LTN1: variants seen among roughly 807,000 people sequenced by gnomAD.
The protein encoded by LTN1 is listerin E3 ubiquitin protein ligase 1.
Under a neutral mutation model 201.2 loss-of-function variants are expected in LTN1, and 88 were observed. The observed-to-expected ratio is 0.44, with a 90% CI of 0.37 to 0.52. LTN1 has a LOEUF of 0.52. Among genes scored for constraint, LTN1 ranks in the 20% least tolerant of loss-of-function variants. LTN1 has a pLI of 0.00. For missense variants in LTN1, 1,752 were observed against 2,038.7 expected, an observed-to-expected ratio of 0.86 and a Z score of 2.71; for synonymous variants, 645 against 713.5, an observed-to-expected ratio of 0.90 and a Z score of 1.53.
chr21:28,962,273 T>C (rs2084485335), intron 11 of LTN1, among the ~76,000 whole-genome samples: 1 of 152,248 alleles, frequency 6.6e-6, no homozygotes, highest in African/African-American at 2.4e-5. Flanking sequence ...CTGGGCTTTG[T>C]AAATGCTGCA....
intron 11 of LTN1, among the ~76,000 whole-genome samples, chr21:28,965,317 G>C (rs2084512380): frequency 6.6e-6 from 1 of 152,124 alleles, no homozygotes; most frequent in Non-Finnish European, 1.5e-5. Flanking sequence ...ATCCTCATTA[G>C]GAAAGAATAC....
chr21:28,980,868 C>A (rs1404748442), intron 6 of LTN1, among the ~76,000 whole-genome samples: 1 of 152,020 alleles, frequency 6.6e-6, no homozygotes, highest in Non-Finnish European at 1.5e-5. Flanking sequence ...CTTGCACACA[C>A]CAATTTTAAG....
At chr21:28,931,887 C>CCAGCTA (rs1325553924) in intron 28 of LTN1, among the ~76,000 whole-genome samples, 4 of 152,004 alleles carry the variant, frequency 2.6e-5, no homozygotes, top group African/African-American at 9.7e-5. Flanking sequence ...GCCTGTAATC[C>CCAGCTA]CAGCTACTCT....
rs142531321 is a variant in LTN1, at chr21:28,966,587, C to T, written c.1904G>A (p.Gly635Asp). ...SSSRVFKMLL[G>D]DEKQSIVQAK... is the part of the protein sequence containing the mutation. ...TTGGACAATACTCTGTTTTTCATCA[C>T]CAAGTAGCATTTTAAATACTCGGCT... is the stretch of plus-strand genomic sequence containing the variant. The change falls in exon 10 of 30, where the codon GGT becomes GAT. Residue 635 changes from glycine (G) to aspartate (D), a missense_variant. By Grantham distance (94) the Gly-to-Asp change is moderately conservative. This residue lies in a region of LTN1 where 1,211 missense variants were observed against 1,312.8 expected (regional missense o/e 0.92). Transcript: ENST00000361371. The T allele has an allele frequency of 6.2e-7, 1 of 1,613,932 alleles. No individual in the cohort carries two copies. The highest frequency in any genetic ancestry group is 2.2e-5 in the East Asian group (1 of 44,876).
chr21:28,938,157 G>A (rs2084270625), intron 25 of LTN1, among the ~76,000 whole-genome samples: 1 of 152,086 alleles, frequency 6.6e-6, no homozygotes, highest in Non-Finnish European at 1.5e-5. Context: ...TAAAACTATA[G>A]AGATATTACT....
At chr21:28,965,251 C>T (rs2084511970) in intron 11 of LTN1, among the ~76,000 whole-genome samples, 1 of 152,130 alleles carries the variant, frequency 6.6e-6, no homozygotes, top group African/African-American at 2.4e-5. Context: ...GTAAGAATTT[C>T]AGGTAGCTAG....
rs1408918019 is a variant in LTN1 at position 28,929,190 on chromosome 21, A to C, written c.*1258T>G. ...TTTCAATAGTCATTTTACCCAGTAG[A>C]TGGAAAGCAGTAATTTTATTTATCA... is the stretch of plus-strand genomic sequence containing the variant. On this transcript the variant is annotated 3_prime_UTR_variant, in exon 30 of 30. Coordinates refer to ENST00000361371, the MANE Select transcript of LTN1 (RefSeq NM_015565.3). The C allele has an allele frequency of 6.6e-6, 1 of 152,580 alleles. No individual in the cohort carries two copies. Among genetic ancestry groups the C allele is most frequent in the African/African-American group, 2.4e-5 (1 of 41,462 alleles). The allele number at this position is 152,580 out of a possible 1,614,324, so 9.5% of individuals were successfully genotyped here. A position where few individuals can be genotyped will look rare whatever the true frequency, so the allele number is the denominator to read the frequency against.
intron 16 of LTN1, among the ~76,000 whole-genome samples, chr21:28,955,909 C>A (rs1475609821): frequency 8.8e-6 from 1 of 113,238 alleles, no homozygotes; most frequent in Non-Finnish European, 1.6e-5. Context: ...GGCAACAGAG[C>A]GAGACTCTGT....
chr21:28,981,415 T>A (rs903534606), intron 5 of LTN1, 116 bp from the exon 6 acceptor site: 35 of 542,190 alleles, frequency 6.5e-5, no homozygotes, highest in Non-Finnish European at 9.5e-5. Context: ...GCTTTATTTC[T>A]ATCTTCTATT....
At chr21:28,958,076 T>C (rs1016641420) in intron 14 of LTN1, among the ~76,000 whole-genome samples, 1 of 152,360 alleles carries the variant, frequency 6.6e-6, no homozygotes, top group African/African-American at 2.4e-5. Flanking sequence ...TGGATGGTCA[T>C]TGAAACAAAA....
At chr21:28,958,713 C>G (rs577725753) in intron 13 of LTN1, among the ~76,000 whole-genome samples, 174 bp from the exon 14 acceptor site, 1 of 152,222 alleles carries the variant, frequency 6.6e-6, no homozygotes, top group African/African-American at 2.4e-5. Flanking sequence ...GTGTCATAAA[C>G]ATGCAATCAT....
Position 28,971,294 on chromosome 21 carries a change from G to C in LTN1, c.961C>G (p.Leu321Val). 6.2e-7 allele frequency: 1 copy of C among 1,613,924 alleles called. No individual in the cohort carries two copies. The highest frequency in any genetic ancestry group is 8.5e-7 in the Non-Finnish European group (1 of 1,179,888). Residue 321 changes from leucine to valine, a missense_variant, in exon 7 of 30, where the codon CTC (leucine) becomes GTC (valine). Leu to Val is a conservative substitution (Grantham distance 32). Coordinates refer to ENST00000361371, the MANE Select transcript of LTN1 (RefSeq NM_015565.3). ...ACCTCAATAGTTGTAAGTGTATAGA[G>C]TACAGCTTCCCAGAGAGCTGGGCAG... Reference protein sequence around the residue: ...IVCPALWEAVLYTLTTIEDCW... With the variant: ...IVCPALWEAVVYTLTTIEDCW...
chr21:28,960,913 A>G, intron 11 of LTN1: 1 of 376,802 alleles, frequency 2.7e-6, no homozygotes, highest in Non-Finnish European at 4.7e-6. Flanking sequence ...CTTTGCTGTT[A>G]CCTTCCCAGC....
At chr21:28,935,470 A>C (rs1004803022) in intron 26 of LTN1, 141 bp from the exon 27 acceptor site, 4 of 612,086 alleles carry the variant, frequency 6.5e-6, no homozygotes, top group African/African-American at 1.8e-5. Flanking sequence ...ATACCAGAGA[A>C]ACCAGAACTC....
chr21:28,957,141 A>G (rs1224573760), intron 15 of LTN1, among the ~76,000 whole-genome samples, 191 bp downstream of exon 15: 1 of 152,222 alleles, frequency 6.6e-6, no homozygotes, highest in Non-Finnish European at 1.5e-5. Flanking sequence ...AAGTCTTTGT[A>G]CCATGCCCAC....
At chr21:28,965,966 G>T in intron 10 of LTN1, 60 bp from the exon 11 acceptor site, 1 of 967,786 alleles carries the variant, frequency 1.0e-6, no homozygotes, top group Non-Finnish European at 1.4e-6. Context: ...TTGAGATGGG[G>T]TTTTGTATGT....
At chr21:28,963,123 G>A (rs768113106) in intron 11 of LTN1, among the ~76,000 whole-genome samples, 24 of 152,218 alleles carry the variant, frequency 1.6e-4, no homozygotes, top group Non-Finnish European at 3.2e-4. Context: ...TGTAGAAGCT[G>A]CAGCATGTTA....
rs918582784 is a variant in LTN1 at position 28,929,792 on chromosome 21, C to T, written c.*656G>A. ...TATATAGAAATAATTCTCCCACAAG[C>T]AAAAAGGTCAGCATCAAGAATTTAA... is the stretch of plus-strand genomic sequence containing the variant. On this transcript the variant is annotated 3_prime_UTR_variant, in exon 30 of 30. Transcript: ENST00000361371. 1 of 151,954 alleles carries T rather than the reference C, an allele frequency of 6.6e-6. No individual in the cohort carries two copies. The highest frequency in any genetic ancestry group is 2.4e-5 in the African/African-American group (1 of 41,408). 9.4% of individuals were successfully genotyped at this position (151,954 alleles called of 1,614,324 possible). A position where few individuals can be genotyped will look rare whatever the true frequency, so the allele number is the denominator to read the frequency against.
In LTN1 at chr21:28,929,692, C is replaced by T. The variant is rs1244508608; in HGVS notation, c.*756G>A. The T allele has an allele frequency of 6.6e-6, 1 of 152,056 alleles. No individual in the cohort carries two copies. The allele number at this position is 152,056 out of a possible 1,614,324, so 9.4% of individuals were successfully genotyped here. On this transcript the variant is annotated 3_prime_UTR_variant, in exon 30 of 30. Coordinates refer to ENST00000361371, the MANE Select transcript of LTN1 (RefSeq NM_015565.3). The stretch of plus-strand genomic sequence containing the variant: ...ATGAAATAATCAAATTACTATTTCT[C>T]TCAAATTCTCACCCTCTAGAGACTC...
Sources: allele counts gnomAD v4.1 joint callset (sites outside exome capture counted in the v4.1 genomes callset), GRCh38; gene constraint gnomAD v4.1.1; regional missense constraint gnomAD v4.1.1; transcripts MANE v1.5; gene names NCBI Gene and HGNC (gene_info 2026-07-23, HGNC 2026-07-21).